CCDC40: variants seen among roughly 807,000 people sequenced by gnomAD.
The protein encoded by CCDC40 is coiled-coil domain-containing protein 40.
A neutral mutation model predicts 124.5 loss-of-function variants in CCDC40; 104 were observed. The observed-to-expected ratio is 0.84, with a 90% CI of 0.71 to 0.98. CCDC40 has a LOEUF of 0.98. CCDC40 is among the 50% of genes least tolerant of loss of function. The pLI, the probability that CCDC40 is intolerant of heterozygous loss-of-function variation, is 0.00. For missense variants in CCDC40, 1,463 were observed against 1,503.9 expected, an observed-to-expected ratio of 0.97 and a Z score of 0.45; for synonymous variants, 580 against 602.9, an observed-to-expected ratio of 0.96 and a Z score of 0.56.
At chr17:80,094,784 T>C (rs1257625716) in intron 17 of CCDC40, among the ~76,000 whole-genome samples, 1 of 152,132 alleles carries the variant, frequency 6.6e-6, no homozygotes, top group Non-Finnish European at 1.5e-5. Context: ...AGAACCTTTC[T>C]ATGACTCCAG....
chr17:80,041,292 G>T (rs749430930), intron 3 of CCDC40, among the ~76,000 whole-genome samples: 1 of 152,148 alleles, frequency 6.6e-6, no homozygotes, highest in Non-Finnish European at 1.5e-5. Context: ...TGGATCACTT[G>T]AGGCCAGGAG....
chr17:80,044,255 C>G (rs1281761136), intron 3 of CCDC40, among the ~76,000 whole-genome samples: 1 of 152,220 alleles, frequency 6.6e-6, no homozygotes, highest in African/African-American at 2.4e-5. Context: ...CTCCCCTACC[C>G]TGGGAAACCC....
intron 18 of CCDC40, among the ~76,000 whole-genome samples, chr17:80,096,927 C>T (rs1482355797): frequency 3.3e-5 from 5 of 152,386 alleles, no homozygotes; most frequent in African/African-American, 1.2e-4. Flanking sequence ...CCCTTACAGC[C>T]TCAGCCCTGC....
In CCDC40 at chr17:80,066,507, C is replaced by T. The variant is rs2038050165; in HGVS notation, c.1562+901C>T. The stretch of plus-strand genomic sequence containing the variant: ...GCGCAGTGGCTCGCACCTGTAATCC[C>T]AACATTTTGGGAGGCTGAGACGGGT... On this transcript the variant is annotated intron_variant, in intron 10 of 19. Transcript: ENST00000397545. This position sits in a 1 kb window ranked among gnomAD's most constrained non-coding sequence, Gnocchi z 4.4. The T allele has an allele frequency of 1.3e-5, 3 of 229,846 alleles. No homozygotes were observed. The highest frequency in any genetic ancestry group is 7.3e-5 in the South Asian group (1 of 13,656). The allele number at this position is 229,846 out of a possible 1,614,324, so 14.2% of individuals were successfully genotyped here.
chr17:80,069,457 C>A (rs1028675722), intron 10 of CCDC40, among the ~76,000 whole-genome samples: 1 of 152,136 alleles, frequency 6.6e-6, no homozygotes, highest in Non-Finnish European at 1.5e-5. Context: ...CCTGAGGAAG[C>A]TGAAGGGGTC....
intron 7 of CCDC40, among the ~76,000 whole-genome samples, chr17:80,052,685 A>G (rs1262775164): frequency 6.6e-6 from 1 of 152,210 alleles, no homozygotes; most frequent in African/African-American, 2.4e-5. Context: ...GATTCTAAAA[A>G]CAGAGCATGC....
intron 19 of CCDC40, 89 bp downstream of exon 19, chr17:80,097,492 G>A (rs984335399): frequency 1.8e-5 from 25 of 1,407,632 alleles, no homozygotes; most frequent in South Asian, 9.6e-5. Context: ...TGCGAGTCAC[G>A]GCCTCTCCTG....
chr17:80,082,833 C>T (rs932664051), intron 12 of CCDC40, among the ~76,000 whole-genome samples: 1 of 152,212 alleles, frequency 6.6e-6, no homozygotes, highest in African/African-American at 2.4e-5. Context: ...CTGCCAGTTT[C>T]CAGAAGAGGG....
chr17:80,039,474 C>T (rs148803097), intron 2 of CCDC40, among the ~76,000 whole-genome samples: 7,498 of 150,942 alleles, frequency 0.05, 605 homozygotes, highest in African/African-American at 0.17. Context: ...TTCAGTGGCA[C>T]GATCTCAGCT....
At chr17:80,067,816 T>C (rs2038087174) in intron 10 of CCDC40, 3 of 1,441,224 alleles carry the variant, frequency 2.1e-6, no homozygotes, top group Middle Eastern at 2.3e-4. Flanking sequence ...CCCTGACAGC[T>C]CAGCATGTTG....
intron 10 of CCDC40, chr17:80,067,836 A>C (rs1029021573): frequency 1.3e-5 from 19 of 1,423,970 alleles, no homozygotes; most frequent in Middle Eastern, 2.4e-4. Flanking sequence ...GTCACACTTC[A>C]GGACTGTGCC....
At position 80,058,637 on chromosome 17, in the gene CCDC40, G is replaced by A. The variant is rs62000409; in HGVS notation, c.1303G>A (p.Glu435Lys). The A allele has an allele frequency of 1.2e-3, 1,984 of 1,614,214 alleles. 25 individuals carry two copies. The African/African-American group carries it at 0.022, about 18-fold the overall frequency. ...GACGGAGAGGATCCGGGCAGAAATC[G>A]AGAAGAAAAAGCAGGTATTCTGCAA... ...AETERIRAEIEKKKQDLYVDQ... is the reference protein window; with the variant it reads ...AETERIRAEIKKKKQDLYVDQ... The change falls in exon 8 of 20, where the codon GAG becomes AAG. Residue 435 changes from glutamate (E) to lysine (K), a missense_variant. Glu to Lys is a moderately conservative substitution (Grantham distance 56, BLOSUM62 1). Transcript: ENST00000397545. The surrounding 1 kb of genome is among the most constrained non-coding windows in gnomAD (Gnocchi z 4.2).
At chr17:80,099,216 G>A (rs1192494808) in intron 19 of CCDC40, among the ~76,000 whole-genome samples, 3 of 151,960 alleles carry the variant, frequency 2.0e-5, no homozygotes, top group East Asian at 3.9e-4. Flanking sequence ...GCGTGAACCC[G>A]GGAGGCGGAG....
chr17:80,062,786 T>C (rs2037939179), intron 9 of CCDC40, among the ~76,000 whole-genome samples: 2 of 152,226 alleles, frequency 1.3e-5, no homozygotes, highest in South Asian at 4.2e-4. Context: ...AGACGGTGTT[T>C]CTTTTTGTTG....
intron 7 of CCDC40, among the ~76,000 whole-genome samples, chr17:80,053,098 A>C (rs779006109): frequency 2.0e-5 from 3 of 152,234 alleles, no homozygotes; most frequent in Non-Finnish European, 4.4e-5. Context: ...AGTGTCCGAA[A>C]GGGAGATTTC....
At chr17:80,052,178 G>A (rs955750949) in intron 7 of CCDC40, among the ~76,000 whole-genome samples, 11 of 152,308 alleles carry the variant, frequency 7.2e-5, no homozygotes, top group Admixed American at 6.5e-4. Flanking sequence ...AGAACTAACA[G>A]GATAGATATA....
chr17:80,058,388 G>C lies in CCDC40; in HGVS notation c.1160-106G>C. The C allele has an allele frequency of 1.0e-6, 1 of 986,446 alleles. No homozygotes were observed. Among genetic ancestry groups the C allele is most frequent in the Admixed American group, 1.8e-5 (1 of 54,392 alleles). 61.1% of individuals were successfully genotyped at this position (986,446 alleles called of 1,614,324 possible). On this transcript the variant is annotated intron_variant, in intron 7 of 19. Coordinates refer to ENST00000397545, the MANE Select transcript of CCDC40 (RefSeq NM_017950.4). This position sits in a 1 kb window ranked among gnomAD's most constrained non-coding sequence, Gnocchi z 4.2. Reference sequence around the variant, plus strand: ...CTTACCCAAAAATGGCAGGAAGGGTGCCCAGAACGGCTGTTCCCTGCTTCC... The same window carrying C: ...CTTACCCAAAAATGGCAGGAAGGGTCCCCAGAACGGCTGTTCCCTGCTTCC...
chr17:80,075,660 G>A lies in CCDC40; in HGVS notation c.1563-5886G>A, dbSNP rs551418304. On this transcript the variant is annotated intron_variant, in intron 10 of 19. Coordinates refer to ENST00000397545, the MANE Select transcript of CCDC40 (RefSeq NM_017950.4). ...CGTCCAGCTAATTTTTGTATTTTTA[G>A]TAGAGACGGGTTTTCACCATGTTAG... is the stretch of plus-strand genomic sequence containing the variant. Among the ~76,000 whole-genome samples the A allele has an allele frequency of 3.3e-5, 5 of 152,008 alleles. No homozygotes were observed. The South Asian group carries it at 1.0e-3, about 32-fold the overall frequency.
rs2038830023 is a variant in CCDC40, at chr17:80,097,386, G to A, written c.3163G>A (p.Gly1055Arg). 1.9e-6 allele frequency: 3 copies of A among 1,613,814 alleles called. No homozygotes were observed. The highest frequency in any genetic ancestry group is 1.1e-5 in the South Asian group (1 of 91,090). Residue 1055 changes from glycine to arginine, a missense_variant, in exon 19 of 20, where the codon GGG (glycine) becomes AGG (arginine). Coordinates refer to ENST00000397545, the MANE Select transcript of CCDC40 (RefSeq NM_017950.4). ...ACTCGAGGCCGACCTCACCCGGCTTGGGGCCCTCAAACGACAGGTAAACGT... is the reference window on the plus strand; with the variant it reads ...ACTCGAGGCCGACCTCACCCGGCTTAGGGCCCTCAAACGACAGGTAAACGT... The part of the protein sequence containing the change: ...DTLEADLTRL[G>R]ALKRQNLSEI...
Sources: allele counts gnomAD v4.1 joint callset (sites outside exome capture counted in the v4.1 genomes callset), GRCh38; gene constraint gnomAD v4.1.1; non-coding constraint Gnocchi (gnomAD v3.1); transcripts MANE v1.5; gene names NCBI Gene and HGNC (gene_info 2026-07-23, HGNC 2026-07-21).